Variants in RGS6 observed in about 807,000 individuals in gnomAD.
RGS6 encodes the protein regulator of G-protein signaling 6.
Under a neutral mutation model 78.5 loss-of-function variants are expected in RGS6, and 30 were observed. That is an observed-to-expected ratio of 0.38 (90% CI 0.29 to 0.52). RGS6 has a LOEUF of 0.52. Among genes scored for constraint, RGS6 ranks in the 20% least tolerant of loss-of-function variants. The pLI is 0.85. For synonymous variants in RGS6, 206 were observed against 206.0 expected (o/e 1.00, Z 0.00); for missense variants, 495 against 609.7 (o/e 0.81, Z 1.98).
Position 71,963,430 on chromosome 14 carries a change from G to A in RGS6, c.-20-1342G>A, listed in dbSNP as rs550024523. 2.8e-4 allele frequency among the ~76,000 whole-genome samples: 43 copies of A among 152,278 alleles called. 1 individual carries two copies. Among genetic ancestry groups the A allele is most frequent in the African/African-American group, 1.0e-3 (43 of 41,564 alleles). On this transcript the variant is annotated intron_variant, in intron 1 of 17. Coordinates refer to ENST00000553525, the MANE Select transcript of RGS6 (RefSeq NM_001204424.2). ...AGTGTATAATTCAGTGGCATTTCAT[G>A]CTTTCACAGTGTTCTACAGCCATCA...
intron 15 of RGS6, among the ~76,000 whole-genome samples, chr14:72,534,424 T>G (rs892566639): frequency 2.6e-5 from 4 of 152,224 alleles, no homozygotes; most frequent in African/African-American, 9.6e-5. Flanking sequence ...CAAGGTCTCC[T>G]TACATAAGTG....
intron 3 of RGS6, among the ~76,000 whole-genome samples, chr14:72,431,017 C>T (rs531777781): frequency 6.6e-6 from 1 of 152,212 alleles, no homozygotes; most frequent in African/African-American, 2.4e-5. Context: ...GTTCAGAAGC[C>T]CAGGAGACAG....
intron 17 of RGS6, among the ~76,000 whole-genome samples, chr14:72,543,604 G>GA (rs2097354352): frequency 6.6e-6 from 1 of 152,236 alleles, no homozygotes; most frequent in Admixed American, 6.5e-5. Context: ...TGACCAGGGA[G>GA]AGGAGGTGCC....
chr14:72,072,729 A>T (rs1389326622), intron 2 of RGS6, among the ~76,000 whole-genome samples: 4 of 152,246 alleles, frequency 2.6e-5, no homozygotes, highest in Non-Finnish European at 4.4e-5. Context: ...CCTTCACTTA[A>T]TTAAGCAACT....
the RGS6 span, among the ~76,000 whole-genome samples, chr14:72,607,694 C>T: frequency 6.6e-6 from 1 of 152,134 alleles, no homozygotes; most frequent in African/African-American, 2.4e-5. Flanking sequence ...GTTATATGAG[C>T]CTAAGTCCCC....
chr14:72,611,887 T>A, the RGS6 span, among the ~76,000 whole-genome samples: 42 of 152,176 alleles, frequency 2.8e-4, no homozygotes, highest in African/African-American at 8.7e-4. Flanking sequence ...AACCTACATA[T>A]ACTTACACCT....
At chr14:72,384,936 G>A (rs1251877417) in intron 3 of RGS6, among the ~76,000 whole-genome samples, 1 of 152,060 alleles carries the variant, frequency 6.6e-6, no homozygotes, top group Non-Finnish European at 1.5e-5. Flanking sequence ...TTTTTTAGTA[G>A]AGATGGGGTT....
chr14:72,419,794 C>G (rs1770955455), intron 3 of RGS6, among the ~76,000 whole-genome samples: 1 of 152,214 alleles, frequency 6.6e-6, no homozygotes, highest in Admixed American at 6.5e-5. Context: ...CTCTTTGCCT[C>G]TGTGGTATCA....
At chr14:72,018,813 GA>G (rs1254267401) in intron 2 of RGS6, among the ~76,000 whole-genome samples, 2 of 152,130 alleles carry the variant, frequency 1.3e-5, no homozygotes, top group Non-Finnish European at 2.9e-5. Flanking sequence ...TCTCTAAGGG[GA>G]GTGAATTTAT....
intron 2 of RGS6, among the ~76,000 whole-genome samples, chr14:72,201,084 C>T (rs1461955583): frequency 6.6e-6 from 1 of 151,994 alleles, no homozygotes; most frequent in Non-Finnish European, 1.5e-5. Flanking sequence ...AGGTCAGCCA[C>T]AGTGAGCTTT....
intron 2 of RGS6, among the ~76,000 whole-genome samples, chr14:72,168,446 G>A (rs960571608): frequency 1.3e-5 from 2 of 152,092 alleles, no homozygotes; most frequent in Middle Eastern, 3.2e-3. Context: ...CACAGCAGCC[G>A]CACATTGGCT....
chr14:72,026,514 G>C (rs928046615), intron 2 of RGS6, among the ~76,000 whole-genome samples: 1 of 152,238 alleles, frequency 6.6e-6, no homozygotes, highest in East Asian at 1.9e-4. Flanking sequence ...GAACTGACCA[G>C]TGTCAAATCC....
At chr14:72,080,167 T>G (rs920404729) in intron 2 of RGS6, among the ~76,000 whole-genome samples, 2 of 152,156 alleles carry the variant, frequency 1.3e-5, no homozygotes, top group Non-Finnish European at 2.9e-5. Context: ...GTACAAAGAT[T>G]CCCTTTTCTC....
chr14:72,545,785 G>A (rs1426731780), intron 17 of RGS6, among the ~76,000 whole-genome samples: 1 of 152,160 alleles, frequency 6.6e-6, no homozygotes, highest in Admixed American at 6.5e-5. Flanking sequence ...CAGTTGTTCA[G>A]GGTTCACTCG....
At chr14:72,227,045 ACTT>A (rs2048306473) in intron 2 of RGS6, among the ~76,000 whole-genome samples, 1 of 152,198 alleles carries the variant, frequency 6.6e-6, no homozygotes. Flanking sequence ...ACATTCATCT[ACTT>A]CTCTCCACTA....
chr14:72,284,303 G>C (rs546809047), intron 2 of RGS6, among the ~76,000 whole-genome samples: 2 of 152,266 alleles, frequency 1.3e-5, no homozygotes, highest in Non-Finnish European at 2.9e-5. Context: ...TGTCTCCAGG[G>C]CATGTCAGAT....
At chr14:72,290,604 A>G (rs2063411817) in intron 2 of RGS6, among the ~76,000 whole-genome samples, 3 of 152,146 alleles carry the variant, frequency 2.0e-5, no homozygotes, top group Non-Finnish European at 2.9e-5. Context: ...ACTTTTGGGG[A>G]TTGATTTCAA....
chr14:72,218,130 A>C (rs1028318446), intron 2 of RGS6, among the ~76,000 whole-genome samples: 1 of 152,152 alleles, frequency 6.6e-6, no homozygotes, highest in African/African-American at 2.4e-5. Context: ...GTTGTTTTCT[A>C]TTGTTGCTGC....
chr14:72,036,388 A>G (rs980160989), intron 2 of RGS6, among the ~76,000 whole-genome samples: 3 of 152,134 alleles, frequency 2.0e-5, no homozygotes, highest in Middle Eastern at 3.4e-3. Flanking sequence ...GGGTACAGAT[A>G]TGTTTTCATA....
Sources: allele counts gnomAD v4.1 joint callset (sites outside exome capture counted in the v4.1 genomes callset), GRCh38; gene constraint gnomAD v4.1.1; transcripts MANE v1.5; gene names NCBI Gene and HGNC (gene_info 2026-07-23, HGNC 2026-07-21).